The following ANKRD62 variants were observed in gnomAD, a reference collection of about 807,000 sequenced individuals.
ANKRD62 encodes the protein ankyrin repeat domain 62.
Under a neutral mutation model 98.8 loss-of-function variants are expected in ANKRD62, and 61 were observed. That is an observed-to-expected ratio of 0.62 (90% CI 0.50 to 0.76). ANKRD62 has a LOEUF of 0.76. ANKRD62 is among the 30% of genes least tolerant of loss of function. ANKRD62 has a pLI of 0.00. For missense variants in ANKRD62, 933 were observed against 1,082.9 expected, an observed-to-expected ratio of 0.86 and a Z score of 1.94; for synonymous variants, 341 against 367.9, an observed-to-expected ratio of 0.93 and a Z score of 0.84.
At chr18:12,140,425 G>T in the ANKRD62 span, among the ~76,000 whole-genome samples, 3 of 152,158 alleles carry the variant, frequency 2.0e-5, no homozygotes, top group Non-Finnish European at 2.9e-5. Context: ...GAGGCACTCT[G>T]ATTTTTAAAG....
chr18:12,114,901 C>A (rs1383481165), intron 8 of ANKRD62, among the ~76,000 whole-genome samples, 187 bp from the exon 9 acceptor site: 1 of 151,808 alleles, frequency 6.6e-6, no homozygotes, highest in Non-Finnish European at 1.5e-5. Context: ...CTACCCTTTC[C>A]ATTTAGTTTT....
chr18:12,168,743 G>C, the ANKRD62 span, among the ~76,000 whole-genome samples: 1 of 152,134 alleles, frequency 6.6e-6, no homozygotes, highest in African/African-American at 2.4e-5. Context: ...CCATTTTCAC[G>C]ATATTGATTC....
chr18:12,174,316 A>G, the ANKRD62 span, among the ~76,000 whole-genome samples: 2 of 152,192 alleles, frequency 1.3e-5, no homozygotes, highest in Non-Finnish European at 2.9e-5. Flanking sequence ...TTGCGTTATG[A>G]AATTCTTTTA....
intron 12 of ANKRD62, 85 bp from the exon 13 acceptor site, chr18:12,125,375 A>G (rs1266401077): frequency 1.6e-6 from 2 of 1,238,106 alleles, no homozygotes; most frequent in Non-Finnish European, 2.1e-6. Context: ...ATAAACGTAC[A>G]GGTTATTACT....
intron 8 of ANKRD62, among the ~76,000 whole-genome samples, chr18:12,114,807 GT>G (rs536769656): frequency 2.4e-4 from 36 of 150,702 alleles, no homozygotes; most frequent in African/African-American, 5.8e-4. Flanking sequence ...CAAATAACAT[GT>G]TTTTTTTTCT....
At chr18:12,141,037 T>G in the ANKRD62 span, among the ~76,000 whole-genome samples, 1 of 152,244 alleles carries the variant, frequency 6.6e-6, no homozygotes. Flanking sequence ...GTTTACCTAC[T>G]CAAGACTGAG....
the ANKRD62 span, among the ~76,000 whole-genome samples, chr18:12,140,508 CGTACA>C: frequency 6.6e-6 from 1 of 152,178 alleles, no homozygotes; most frequent in Non-Finnish European, 1.5e-5. Flanking sequence ...ACGATGGTGA[CGTACA>C]GATGGGTTGT....
At chr18:12,106,919 C>T (rs1018759221) in intron 7 of ANKRD62, among the ~76,000 whole-genome samples, 2 of 152,068 alleles carry the variant, frequency 1.3e-5, no homozygotes, top group Non-Finnish European at 2.9e-5. Flanking sequence ...AGTGTAAACT[C>T]CAGGAGGTAA....
chr18:12,181,551 A>G, the ANKRD62 span, among the ~76,000 whole-genome samples: 1 of 152,230 alleles, frequency 6.6e-6, no homozygotes. Flanking sequence ...AGTTCACCCA[A>G]CTATAAAGGT....
At chr18:12,101,583 T>C (rs983359437) in intron 6 of ANKRD62, among the ~76,000 whole-genome samples, 1 of 152,238 alleles carries the variant, frequency 6.6e-6, no homozygotes, top group African/African-American at 2.4e-5. Context: ...TTTTCTGCGA[T>C]GTTTTTATTC....
chr18:12,169,283 C>G, the ANKRD62 span, among the ~76,000 whole-genome samples: 3 of 152,088 alleles, frequency 2.0e-5, no homozygotes, highest in Non-Finnish European at 4.4e-5. Flanking sequence ...ATAGATAGCT[C>G]TTATTATTTT....
intron 8 of ANKRD62, among the ~76,000 whole-genome samples, 173 bp downstream of exon 8, chr18:12,107,640 A>G (rs1280264845): frequency 6.6e-6 from 1 of 152,212 alleles, no homozygotes; most frequent in Non-Finnish European, 1.5e-5. Flanking sequence ...GGTCTTTCCA[A>G]TCATATTGAT....
intron 8 of ANKRD62, among the ~76,000 whole-genome samples, chr18:12,108,287 C>T (rs1384849660): frequency 6.6e-6 from 1 of 152,158 alleles, no homozygotes; most frequent in Non-Finnish European, 1.5e-5. Context: ...CACAGTTCCT[C>T]CTGGCTGGGG....
the ANKRD62 span, among the ~76,000 whole-genome samples, chr18:12,160,515 C>T: frequency 6.6e-6 from 1 of 152,260 alleles, no homozygotes; most frequent in African/African-American, 2.4e-5. Flanking sequence ...TTGACCCTTC[C>T]AGCCAGAGAG....
intron 8 of ANKRD62, among the ~76,000 whole-genome samples, chr18:12,109,712 G>A (rs1909493772): frequency 6.6e-6 from 1 of 151,968 alleles, no homozygotes; most frequent in Admixed American, 6.6e-5. Context: ...CGTTATCGAA[G>A]TATATCAAAG....
chr18:12,094,089 G>A lies in ANKRD62; in HGVS notation c.72G>A (p.Lys24=), dbSNP rs200745335. The change falls in exon 1 of 14, where the codon AAG becomes AAA. Residue 24 remains lysine (K), a synonymous_variant. Transcript: ENST00000587848. ...CTACCTGGAGGAAGAATCGTGACAAGGATGGCTTCTCAAATCCCGGGTACC... is the reference window on the plus strand; with the variant it reads ...CTACCTGGAGGAAGAATCGTGACAAAGATGGCTTCTCAAATCCCGGGTACC... ...RMATWRKNRD[K]DGFSNPGYRV... is the part of the protein sequence containing the mutation. 5 of 1,534,928 alleles carry A rather than the reference G, an allele frequency of 3.3e-6. No individual in the cohort carries two copies. In the African/African-American group the frequency reaches 4.1e-5, roughly 13 times the overall value.
At chr18:12,177,279 C>T in the ANKRD62 span, among the ~76,000 whole-genome samples, 4 of 152,234 alleles carry the variant, frequency 2.6e-5, no homozygotes, top group South Asian at 2.1e-4. Flanking sequence ...GGATGATGTT[C>T]GAGAAGCCAC....
chr18:12,170,241 T>A, the ANKRD62 span, among the ~76,000 whole-genome samples: 2 of 152,254 alleles, frequency 1.3e-5, no homozygotes, highest in Non-Finnish European at 2.9e-5. Flanking sequence ...ATTTTAGATC[T>A]TTCCTGCTTT....
intron 5 of ANKRD62, 147 bp from the exon 6 acceptor site, chr18:12,099,468 T>G (rs527774569): frequency 2.2e-6 from 1 of 449,188 alleles, no homozygotes; most frequent in South Asian, 5.7e-5. Context: ...AGAAGCTTAA[T>G]AAGAGTTTTG....
Sources: gnomAD v4.1 joint callset for allele counts (sites outside exome capture counted in the v4.1 genomes callset) on GRCh38, gnomAD v4.1.1 for gene constraint, MANE v1.5 for transcripts, NCBI Gene and HGNC (gene_info 2026-07-23, HGNC 2026-07-21) for gene names.